The following ADRA1B variants were observed in gnomAD, a reference collection of about 807,000 sequenced individuals.
ADRA1B encodes the protein alpha-1B adrenergic receptor.
ADRA1B carries 17 observed loss-of-function variants against 17.9 expected under a neutral mutation model. That is an observed-to-expected ratio of 0.95 (90% confidence interval 0.65 to 1.42). ADRA1B has a LOEUF of 1.42. Among genes scored for constraint, ADRA1B ranks in the 40% most tolerant of loss-of-function variants. ADRA1B has a pLI of 0.00. For missense variants in ADRA1B, 681 were observed against 722.1 expected, an observed-to-expected ratio of 0.94 and a Z score of 0.65; for synonymous variants, 366 against 327.6, an observed-to-expected ratio of 1.12 and a Z score of -1.27.
At chr5:159,886,372 T>C (rs1334600342) in intron 1 of ADRA1B, among the ~76,000 whole-genome samples, 1 of 152,222 alleles carries the variant, frequency 6.6e-6, no homozygotes, top group South Asian at 2.1e-4. Flanking sequence ...GTGAATCTCC[T>C]GGAAAATCCC....
At chr5:159,964,639 G>A (rs876528) in intron 1 of ADRA1B, among the ~76,000 whole-genome samples, 3,294 of 152,290 alleles carry the variant, frequency 0.022, 123 homozygotes, top group African/African-American at 0.074. Context: ...AGACCATGAC[G>A]ACAGCTATGG....
chr5:159,869,372 T>A (rs1753706911), intron 1 of ADRA1B: 1 of 152,200 alleles, frequency 6.6e-6, no homozygotes, highest in Non-Finnish European at 1.5e-5. Flanking sequence ...CAGAGCTATA[T>A]GAGAGGAACT....
intron 1 of ADRA1B, among the ~76,000 whole-genome samples, chr5:159,881,309 C>G (rs202026796): frequency 0.29 from 42,068 of 144,078 alleles, 6,786 homozygotes; most frequent in South Asian, 0.42. Context: ...TTCTCTCTCT[C>G]TCTCTCTCTC....
rs1220380757 is a variant in ADRA1B at position 159,916,783 on chromosome 5, G to C, written c.-123G>C. The C allele has an allele frequency of 4.1e-6, 4 of 967,678 alleles. No individual in the cohort carries two copies. The highest frequency in any genetic ancestry group is 6.1e-6 in the Non-Finnish European group (4 of 656,982). 59.9% of individuals were successfully genotyped at this position (967,678 alleles called of 1,614,324 possible). On this transcript the variant is annotated 5_prime_UTR_variant, in exon 1 of 2. Transcript: ENST00000306675. Reference sequence around the variant, plus strand: ...GGCTGCCCGGGGGAGATGACTCCTCGCCAGGAGGGCGCCTCTGGGAAGAAG... The same window carrying C: ...GGCTGCCCGGGGGAGATGACTCCTCCCCAGGAGGGCGCCTCTGGGAAGAAG...
At chr5:159,971,149 T>C (rs1000694357) in intron 1 of ADRA1B, among the ~76,000 whole-genome samples, 10 of 152,246 alleles carry the variant, frequency 6.6e-5, no homozygotes, top group African/African-American at 2.4e-4. Flanking sequence ...TATCTTTTCA[T>C]ATGTTCATTA....
chr5:159,952,112 G>A (rs1340436239), intron 1 of ADRA1B, among the ~76,000 whole-genome samples: 1 of 152,114 alleles, frequency 6.6e-6, no homozygotes, highest in East Asian at 1.9e-4. Flanking sequence ...AGTCCCCTGT[G>A]TAATCTGCTA....
chr5:159,985,017 T>C, the ADRA1B span, among the ~76,000 whole-genome samples: 1 of 152,062 alleles, frequency 6.6e-6, no homozygotes, highest in Non-Finnish European at 1.5e-5. Context: ...CCCTCTCTGA[T>C]TGCTCTCCCA....
chr5:159,973,244 C>G (rs527637749), downstream of ADRA1B, among the ~76,000 whole-genome samples: 1 of 152,366 alleles, frequency 6.6e-6, no homozygotes, highest in Non-Finnish European at 1.5e-5. Context: ...CTGCACCAGT[C>G]TGGCCCTGTG....
chr5:159,889,778 C>T (rs1160757717), intron 1 of ADRA1B, among the ~76,000 whole-genome samples: 3 of 152,174 alleles, frequency 2.0e-5, no homozygotes, highest in African/African-American at 2.4e-5. Flanking sequence ...GAGATCTACC[C>T]AAATCTTTTC....
At chr5:159,948,154 A>C (rs1755328534) in intron 1 of ADRA1B, 1 of 985,326 alleles carries the variant, frequency 1.0e-6, no homozygotes. Flanking sequence ...TAATCATAAC[A>C]GGACTTTGAC....
intron 1 of ADRA1B, chr5:159,950,726 TA>T (rs1354629944): frequency 1.5e-6 from 1 of 667,748 alleles, no homozygotes; most frequent in African/African-American, 1.8e-5. Flanking sequence ...ACCACCTTCT[TA>T]ATGTCATCAT....
chr5:159,958,960 T>G (rs1425939455), intron 1 of ADRA1B, among the ~76,000 whole-genome samples: 1 of 152,234 alleles, frequency 6.6e-6, no homozygotes, highest in Non-Finnish European at 1.5e-5. Context: ...CCATCTGCTT[T>G]CAACTCTGGG....
At chr5:159,987,834 A>T in the ADRA1B span, among the ~76,000 whole-genome samples, 1 of 152,178 alleles carries the variant, frequency 6.6e-6, no homozygotes. Context: ...AGTGCCAGGC[A>T]ATGTGCAAGC....
intron 1 of ADRA1B, among the ~76,000 whole-genome samples, chr5:159,893,166 A>G (rs1344622733): frequency 6.6e-6 from 1 of 151,896 alleles, no homozygotes. Flanking sequence ...TATTCTTTGA[A>G]GCAGATGCTG....
chr5:159,979,426 CCTGG>C, the ADRA1B span, among the ~76,000 whole-genome samples: 1 of 152,140 alleles, frequency 6.6e-6, no homozygotes, highest in African/African-American at 2.4e-5. Context: ...TAGTACAGTA[CCTGG>C]CACATGGTAC....
chr5:159,951,163 C>A lies in ADRA1B; in HGVS notation c.950-20716C>A, dbSNP rs1581061777. ...AGATGATGACCCTTGTAGCTCCTCC[C>A]TGCAAGTCAGCCCCAGCCTTCTCCA... On this transcript the variant is annotated intron_variant, in intron 1 of 1. Transcript: ENST00000306675. 3.2e-5 allele frequency: 24 copies of A among 752,474 alleles called. No homozygotes were observed. In the East Asian group the frequency reaches 5.7e-4, roughly 18 times the overall value. The allele number at this position is 752,474 out of a possible 1,614,324, so 46.6% of individuals were successfully genotyped here. A position where few individuals can be genotyped will look rare whatever the true frequency, so the allele number is the denominator to read the frequency against.
Position 159,926,448 on chromosome 5 carries a change from C to T in ADRA1B, c.949+8594C>T, listed in dbSNP as rs542043068. 5.7e-4 allele frequency among the ~76,000 whole-genome samples: 87 copies of T among 152,226 alleles called. 1 individual carries two copies. Among genetic ancestry groups the T allele is most frequent in the Middle Eastern group, 3.4e-3 (1 of 294 alleles). On this transcript the variant is annotated intron_variant, in intron 1 of 1. Coordinates refer to ENST00000306675, the MANE Select transcript of ADRA1B (RefSeq NM_000679.4). Reference sequence around the variant, plus strand: ...TCCAAGTTCAAATTGTCTTCTTGTCCTTCGTGCCCAGGGATGTGTACATAG... The same window carrying T: ...TCCAAGTTCAAATTGTCTTCTTGTCTTTCGTGCCCAGGGATGTGTACATAG...
At chr5:159,970,536 A>G (rs1755848027) in intron 1 of ADRA1B, among the ~76,000 whole-genome samples, 1 of 152,174 alleles carries the variant, frequency 6.6e-6, no homozygotes, top group South Asian at 2.1e-4. Flanking sequence ...TATTGCCATG[A>G]GCCCCCTCAT....
intron 1 of ADRA1B, among the ~76,000 whole-genome samples, chr5:159,900,919 G>A (rs1490001390): frequency 6.6e-6 from 1 of 152,236 alleles, no homozygotes; most frequent in African/African-American, 2.4e-5. Flanking sequence ...ACAAGAATGT[G>A]CAAACTGGTT....
Sources: allele counts gnomAD v4.1 joint callset (sites outside exome capture counted in the v4.1 genomes callset), GRCh38; gene constraint gnomAD v4.1.1; transcripts MANE v1.5; gene names NCBI Gene and HGNC (gene_info 2026-07-23, HGNC 2026-07-21).